The following SLC25A33 variants were observed in gnomAD, a reference collection of about 807,000 sequenced individuals.
The protein encoded by SLC25A33 is bone marrow stromal cell mitochondrial carrier protein.
A neutral mutation model predicts 35.5 loss-of-function variants in SLC25A33; 15 were observed. That is an observed-to-expected ratio of 0.42 (90% confidence interval 0.28 to 0.65). The LOEUF is 0.65. Among genes scored for constraint, SLC25A33 ranks in the 30% least tolerant of loss-of-function variants. The pLI, the probability that SLC25A33 is intolerant of heterozygous loss-of-function variation, is 0.20. For synonymous variants in SLC25A33, 136 were observed against 148.7 expected (o/e 0.91, Z 0.62); for missense variants, 257 against 398.5 (o/e 0.64, Z 3.02).
intron 1 of SLC25A33, among the ~76,000 whole-genome samples, chr1:9,546,644 T>G (rs190280619): frequency 6.6e-6 from 1 of 152,354 alleles, no homozygotes; most frequent in East Asian, 1.9e-4. Flanking sequence ...AGTAAAACTC[T>G]TTAATTGCTT....
chr1:9,558,821 C>T (rs1179026993), intron 2 of SLC25A33, among the ~76,000 whole-genome samples: 2 of 152,324 alleles, frequency 1.3e-5, no homozygotes, highest in Non-Finnish European at 2.9e-5. Context: ...TTGCTGCCCT[C>T]TACCCTCAGT....
chr1:9,580,554 G>T (rs978911679), intron 6 of SLC25A33, among the ~76,000 whole-genome samples: 2 of 152,080 alleles, frequency 1.3e-5, no homozygotes, highest in African/African-American at 4.8e-5. Flanking sequence ...TGATAATATG[G>T]GAGCCAAACT....
chr1:9,545,551 C>T (rs1643154608), intron 1 of SLC25A33, among the ~76,000 whole-genome samples: 1 of 151,960 alleles, frequency 6.6e-6, no homozygotes, highest in Admixed American at 6.6e-5. Context: ...GCGCCTGCCA[C>T]CACGCCTGGC....
Position 9,573,315 on chromosome 1 carries a change from T to G in SLC25A33, c.416-31T>G, listed in dbSNP as rs185382843. On this transcript the variant is annotated intron_variant, in intron 4 of 6. Transcript: ENST00000302692. ...TTTAATAAGTATGGACTATGTACAG[T>G]GTTGACCTTTACTGTTTTTTTTTTT... 138 of 1,484,748 alleles carry G rather than the reference T, an allele frequency of 9.3e-5. 1 individual carries two copies. In the African/African-American group the frequency reaches 1.7e-3, roughly 18 times the overall value. 92.0% of individuals were successfully genotyped at this position (1,484,748 alleles called of 1,614,324 possible).
At chr1:9,567,231 T>G in intron 2 of SLC25A33, 53 bp from the exon 3 acceptor site, 2 of 1,475,612 alleles carry the variant, frequency 1.4e-6, no homozygotes, top group East Asian at 4.5e-5. Flanking sequence ...TTTATCATTT[T>G]TAATAGGCCT....
chr1:9,572,994 G>A (rs1643612260), intron 4 of SLC25A33, among the ~76,000 whole-genome samples: 1 of 152,040 alleles, frequency 6.6e-6, no homozygotes, highest in African/African-American at 2.4e-5. Flanking sequence ...AGTCTTAAAA[G>A]TTAAATTATT....
rs181202755 is a variant in SLC25A33, at chr1:9,547,412, C to G, written c.57-6214C>G. On this transcript the variant is annotated intron_variant, in intron 1 of 6. Coordinates refer to ENST00000302692, the MANE Select transcript of SLC25A33 (RefSeq NM_032315.3). ...GAGGTTGCAGTGAGCTGAGATTGCGCCAGCCTGGGCAACAAGAGCAAAACT... is the reference window on the plus strand; with the variant it reads ...GAGGTTGCAGTGAGCTGAGATTGCGGCAGCCTGGGCAACAAGAGCAAAACT... 1.3e-4 allele frequency among the ~76,000 whole-genome samples: 20 copies of G among 151,956 alleles called. No homozygotes were observed. The East Asian group carries it at 3.9e-3, about 29-fold the overall frequency.
At position 9,582,205 on chromosome 1, in the gene SLC25A33, C is replaced by A; in HGVS notation, c.764-94C>A. On this transcript the variant is annotated intron_variant, in intron 6 of 6. Transcript: ENST00000302692. This position sits in a 1 kb window ranked among gnomAD's most constrained non-coding sequence, Gnocchi z 4.0. ...CTGGGATTACAGGTGTGAGCCACCG[C>A]ACCCGGCCTAACCTTGACAGTTTTA... The A allele has an allele frequency of 7.2e-7, 1 of 1,394,418 alleles. No individual in the cohort carries two copies. The highest frequency in any genetic ancestry group is 1.0e-6 in the Non-Finnish European group (1 of 991,690). 86.4% of individuals were successfully genotyped at this position (1,394,418 alleles called of 1,614,324 possible).
intron 1 of SLC25A33, among the ~76,000 whole-genome samples, chr1:9,544,311 C>G (rs1643136158): frequency 6.7e-6 from 1 of 150,342 alleles, no homozygotes; most frequent in Non-Finnish European, 1.5e-5. Flanking sequence ...CTGTGTAGCC[C>G]AGGCTGGAGT....
intron 1 of SLC25A33, among the ~76,000 whole-genome samples, chr1:9,540,578 T>A (rs61782975): frequency 5.1e-4 from 77 of 152,262 alleles, no homozygotes; most frequent in Non-Finnish European, 9.1e-4. Context: ...ATTAGTAATT[T>A]TCTTTTTTCC....
Position 9,584,896 on chromosome 1 carries a change from T to C in SLC25A33, c.*2395T>C, listed in dbSNP as rs1381170758. ...TGCCCAGCTAATGTTTTTTCATTTT[T>C]TGTGCAGACGAGGTTTTGCTATGTT... On this transcript the variant is annotated 3_prime_UTR_variant, in exon 7 of 7. Transcript: ENST00000302692. 6.6e-6 allele frequency: 1 copy of C among 152,100 alleles called. No individual in the cohort carries two copies. The highest frequency in any genetic ancestry group is 1.5e-5 in the Non-Finnish European group (1 of 68,012). The allele number at this position is 152,100 out of a possible 1,614,324, so 9.4% of individuals were successfully genotyped here.
At chr1:9,556,905 C>T (rs903986725) in intron 2 of SLC25A33, among the ~76,000 whole-genome samples, 1 of 152,160 alleles carries the variant, frequency 6.6e-6, no homozygotes, top group Non-Finnish European at 1.5e-5. Flanking sequence ...AATAATGAGC[C>T]ATCACTTATA....
chr1:9,560,950 C>CT (rs1236263182), intron 2 of SLC25A33, among the ~76,000 whole-genome samples: 7,544 of 135,778 alleles, frequency 0.056, 258 homozygotes, highest in African/African-American at 0.087. Flanking sequence ...GAGACACATT[C>CT]TTTTTTTTTT....
chr1:9,568,517 G>C (rs776215924), intron 3 of SLC25A33, among the ~76,000 whole-genome samples: 2 of 151,974 alleles, frequency 1.3e-5, no homozygotes, highest in Non-Finnish European at 2.9e-5. Flanking sequence ...TGGGTGGCAG[G>C]GCAGGACACT....
At chr1:9,574,921 G>C (rs1643639173) in intron 5 of SLC25A33, among the ~76,000 whole-genome samples, 1 of 152,066 alleles carries the variant, frequency 6.6e-6, no homozygotes, top group Admixed American at 6.6e-5. Flanking sequence ...ATTCTATTAA[G>C]AACCCCTGTA....
At chr1:9,543,151 A>AT (rs1018977655) in intron 1 of SLC25A33, among the ~76,000 whole-genome samples, 5 of 141,980 alleles carry the variant, frequency 3.5e-5, no homozygotes, top group African/African-American at 1.4e-4. Flanking sequence ...TTATTTATTT[A>AT]TTTATTTTTG....
At chr1:9,572,567 G>A (rs1643606313) in intron 4 of SLC25A33, among the ~76,000 whole-genome samples, 3 of 152,010 alleles carry the variant, frequency 2.0e-5, no homozygotes, top group Admixed American at 6.6e-5. Flanking sequence ...GCAGTGAGCC[G>A]AGATCGCGCC....
chr1:9,564,189 T>C (rs1288445911), intron 2 of SLC25A33, among the ~76,000 whole-genome samples: 1 of 152,208 alleles, frequency 6.6e-6, no homozygotes. Context: ...GAAAAATGCC[T>C]CTAAAGAATG....
chr1:9,555,163 G>T (rs1222234477), intron 2 of SLC25A33, among the ~76,000 whole-genome samples: 1 of 141,802 alleles, frequency 7.1e-6, no homozygotes, highest in Non-Finnish European at 1.5e-5. Flanking sequence ...TGTCGCCCAG[G>T]CTGGAGTGCA....
Sources: gnomAD v4.1 joint callset for allele counts (sites outside exome capture counted in the v4.1 genomes callset) on GRCh38, gnomAD v4.1.1 for gene constraint, Gnocchi (gnomAD v3.1) non-coding constraint, MANE v1.5 for transcripts, NCBI Gene and HGNC (gene_info 2026-07-23, HGNC 2026-07-21) for gene names.